The following USP43 variants were observed in gnomAD, a reference collection of about 807,000 sequenced individuals.
USP43 encodes the protein ubiquitin specific peptidase 43.
Under a neutral mutation model 90.7 loss-of-function variants are expected in USP43, and 33 were observed. The ratio of observed to expected loss-of-function variants is 0.36; its 90% CI spans 0.28 to 0.49. The LOEUF is 0.49. Ranked by LOEUF, USP43 falls within the 20% of genes least tolerant of loss-of-function variation. The pLI is 0.98. For missense variants in USP43, 1,274 were observed against 1,476.4 expected (o/e 0.86, Z 2.25); for synonymous variants, 598 against 615.8 (o/e 0.97, Z 0.43).
intron 5 of USP43, among the ~76,000 whole-genome samples, chr17:9,678,371 A>AT (rs1913923004): frequency 1.3e-5 from 2 of 152,046 alleles, no homozygotes; most frequent in African/African-American, 2.4e-5. Context: ...TTATTTATTT[A>AT]TTTTTTGACG....
intron 7 of USP43, among the ~76,000 whole-genome samples, chr17:9,683,833 A>C (rs1471663267): frequency 1.3e-5 from 2 of 152,182 alleles, no homozygotes; most frequent in African/African-American, 4.8e-5. Flanking sequence ...ATGAATTCAC[A>C]CGTATAAATT....
intron 9 of USP43, among the ~76,000 whole-genome samples, chr17:9,696,964 C>A (rs1167134743): frequency 6.6e-6 from 1 of 152,260 alleles, no homozygotes; most frequent in African/African-American, 2.4e-5. Flanking sequence ...CGCCTATAAT[C>A]CCAGCACTTG....
At chr17:9,657,519 A>G (rs1257512592) in intron 2 of USP43, among the ~76,000 whole-genome samples, 2 of 152,062 alleles carry the variant, frequency 1.3e-5, no homozygotes, top group African/African-American at 4.8e-5. Context: ...AGAAAAGAAA[A>G]AAAAGGAGAC....
chr17:9,694,395 C>T (rs1915135552), intron 9 of USP43, among the ~76,000 whole-genome samples: 1 of 152,310 alleles, frequency 6.6e-6, no homozygotes, highest in South Asian at 2.1e-4. Context: ...CCCCTTCCCA[C>T]ACTCAGTCTT....
chr17:9,686,726 C>G lies in USP43; in HGVS notation c.1242-72C>G, dbSNP rs1199112377. The G allele has an allele frequency of 2.2e-6, 3 of 1,370,154 alleles. No homozygotes were observed. The highest frequency in any genetic ancestry group is 3.9e-5 in the Admixed American group (2 of 51,730). The allele number at this position is 1,370,154 out of a possible 1,614,324, so 84.9% of individuals were successfully genotyped here. A position where few individuals can be genotyped will look rare whatever the true frequency, so the allele number is the denominator to read the frequency against. On this transcript the variant is annotated intron_variant, in intron 7 of 14. Transcript: ENST00000285199. The surrounding 1 kb of genome is among the most constrained non-coding windows in gnomAD (Gnocchi z 5.5). ...TATTGACAGGAAGCCAGGGTTAGAACAACCACTCATGACTGGTGGATGTTG... is the reference window on the plus strand; with the variant it reads ...TATTGACAGGAAGCCAGGGTTAGAAGAACCACTCATGACTGGTGGATGTTG...
chr17:9,686,929 G>A lies in USP43; in HGVS notation c.1353+20G>A. On this transcript the variant is annotated intron_variant, in intron 8 of 14. Transcript: ENST00000285199. This position sits in a 1 kb window ranked among gnomAD's most constrained non-coding sequence, Gnocchi z 5.5. ...GTACAGGTCAGTGGTGTGCATGCGT[G>A]TGTGTGTGTGTGCGTGCATGCGCAT... is the stretch of plus-strand genomic sequence containing the variant. 5 of 1,592,094 alleles carry A rather than the reference G, an allele frequency of 3.1e-6. No individual in the cohort carries two copies. Among genetic ancestry groups the A allele is most frequent in the Non-Finnish European group, 4.3e-6 (5 of 1,164,626 alleles).
rs1913660243 is a variant in USP43, at chr17:9,674,828, G to T, written c.741-63G>T. 1.4e-6 allele frequency: 2 copies of T among 1,380,762 alleles called. No individual in the cohort carries two copies. The highest frequency in any genetic ancestry group is 2.8e-5 in the African/African-American group (2 of 70,186). The allele number at this position is 1,380,762 out of a possible 1,614,324, so 85.5% of individuals were successfully genotyped here. On this transcript the variant is annotated intron_variant, in intron 3 of 14. Transcript: ENST00000285199. This position sits in a 1 kb window ranked among gnomAD's most constrained non-coding sequence, Gnocchi z 4.4. The stretch of plus-strand genomic sequence containing the variant: ...GGAAATGCAAGGATAATTCTGTATT[G>T]AATTTTACCCCCAAATTGTTTACGT...
intron 1 of USP43, among the ~76,000 whole-genome samples, chr17:9,653,247 C>T (rs1159428505): frequency 1.3e-5 from 2 of 152,130 alleles, no homozygotes; most frequent in Non-Finnish European, 2.9e-5. Flanking sequence ...AAAAGATCAT[C>T]ATGATTAACT....
At chr17:9,713,686 G>A (rs1303845063) in intron 14 of USP43, among the ~76,000 whole-genome samples, 1 of 152,146 alleles carries the variant, frequency 6.6e-6, no homozygotes, top group Non-Finnish European at 1.5e-5. Context: ...GGTCAAACTG[G>A]ATGTATACTG....
chr17:9,652,481 C>G (rs1911941890), intron 1 of USP43, among the ~76,000 whole-genome samples: 2 of 152,132 alleles, frequency 1.3e-5, no homozygotes, highest in East Asian at 1.9e-4. Flanking sequence ...TCTGTCTCAG[C>G]CTCCCGAGTA....
At chr17:9,691,011 A>C (rs1914913093) in intron 8 of USP43, among the ~76,000 whole-genome samples, 1 of 152,224 alleles carries the variant, frequency 6.6e-6, no homozygotes, top group African/African-American at 2.4e-5. Flanking sequence ...ATATAACTAG[A>C]ATAATATAAT....
chr17:9,721,563 C>T (rs780328940), intron 14 of USP43, among the ~76,000 whole-genome samples: 15 of 152,040 alleles, frequency 9.9e-5, no homozygotes, highest in Non-Finnish European at 1.8e-4. Flanking sequence ...CATGTATAAA[C>T]TAATGTATAT....
intron 6 of USP43, among the ~76,000 whole-genome samples, chr17:9,681,459 A>AT (rs1414113457): frequency 4.8e-5 from 1 of 20,754 alleles, no homozygotes; most frequent in Non-Finnish European, 6.7e-5. Flanking sequence ...TATATAAAAT[A>AT]TATTATATAT....
intron 8 of USP43, among the ~76,000 whole-genome samples, chr17:9,687,602 A>G (rs979078512): frequency 3.9e-5 from 6 of 152,162 alleles, no homozygotes; most frequent in African/African-American, 1.4e-4. Context: ...GACACAGAAG[A>G]TGTTGAAATT....
At chr17:9,719,212 G>C (rs753660808) in intron 14 of USP43, among the ~76,000 whole-genome samples, 1 of 152,192 alleles carries the variant, frequency 6.6e-6, no homozygotes, top group Non-Finnish European at 1.5e-5. Context: ...AAGCTCAAAA[G>C]TTCATCCCAG....
Position 9,710,012 on chromosome 17 carries a change from G to A in USP43, c.2068G>A (p.Glu690Lys). 1 of 1,572,380 alleles carries A rather than the reference G, an allele frequency of 6.4e-7. No individual in the cohort carries two copies. Among genetic ancestry groups the A allele is most frequent in the Non-Finnish European group, 8.6e-7 (1 of 1,159,000 alleles). The part of the protein sequence containing the change: ...QWYSYDDSTV[E>K]PLREDEVNTR... ...GTACAGTTATGATGACAGCACGGTG[G>A]AACCGCTTCGAGAAGATGAGGTCAA... is the stretch of plus-strand genomic sequence containing the variant. Residue 690 changes from glutamate to lysine, a missense_variant, in exon 13 of 15, where the codon GAA becomes AAA. Physicochemically the swap from Glu to Lys is moderately conservative, Grantham distance 56. Transcript: ENST00000285199.
rs1232213745 is a variant in USP43 at position 9,701,688 on chromosome 17, G to C, written c.1999G>C (p.Gly667Arg). The change falls in exon 12 of 15, where the codon GGG (glycine) becomes CGG (arginine). Residue 667 changes from glycine (G) to arginine (R), a missense_variant. Gly to Arg is a moderately radical substitution (Grantham distance 125). Transcript: ENST00000285199. This position sits in a 1 kb window ranked among gnomAD's most constrained non-coding sequence, Gnocchi z 7.2. ...VCNHHGNLQG[G>R]HYTAYCRNSL... ...CAACCACCATGGCAACCTGCAAGGT[G>C]GGCATTACACAGGTGAGCCTTGCCT... 1 of 1,563,204 alleles carries C rather than the reference G, an allele frequency of 6.4e-7. No homozygotes were observed. The highest frequency in any genetic ancestry group is 1.2e-5 in the South Asian group (1 of 83,448).
intron 10 of USP43, among the ~76,000 whole-genome samples, chr17:9,700,599 G>T (rs1402692195): frequency 6.6e-6 from 1 of 152,182 alleles, no homozygotes; most frequent in Non-Finnish European, 1.5e-5. Flanking sequence ...CACCCTATGT[G>T]TGGGTGGTCT....
chr17:9,725,319 G>A (rs1357293169), intron 14 of USP43, among the ~76,000 whole-genome samples: 3 of 152,020 alleles, frequency 2.0e-5, no homozygotes, highest in Non-Finnish European at 4.4e-5. Context: ...TTCTCGGGGT[G>A]GGGTGGGGCG....
Sources: allele counts gnomAD v4.1 joint callset (sites outside exome capture counted in the v4.1 genomes callset), GRCh38; gene constraint gnomAD v4.1.1; non-coding constraint Gnocchi (gnomAD v3.1); transcripts MANE v1.5; gene names NCBI Gene and HGNC (gene_info 2026-07-23, HGNC 2026-07-21).